RNF43: variants seen among roughly 807,000 people sequenced by gnomAD.
RNF43 encodes the protein ring finger protein 43, also known as E3 ubiquitin-protein ligase RNF43.
Under a neutral mutation model 78.4 loss-of-function variants are expected in RNF43, and 37 were observed. The observed-to-expected ratio is 0.47, with a 90% CI of 0.36 to 0.62. RNF43 has a LOEUF of 0.62. Among genes scored for constraint, RNF43 ranks in the 20% least tolerant of loss-of-function variants. The pLI is 0.00. For synonymous variants in RNF43, 347 were observed against 395.0 expected (o/e 0.88, Z 1.44); for missense variants, 774 against 1,007.9 (o/e 0.77, Z 3.14).
chr17:58,410,103 T>C (rs987442499), intron 2 of RNF43, among the ~76,000 whole-genome samples: 1 of 149,586 alleles, frequency 6.7e-6, no homozygotes, highest in Non-Finnish European at 1.5e-5. Context: ...CATTACCTCC[T>C]ATTAACCAGA....
chr17:58,361,038 A>G, intron 6 of RNF43, 94 bp from the exon 7 acceptor site: 1 of 1,283,270 alleles, frequency 7.8e-7, no homozygotes, highest in Non-Finnish European at 1.0e-6. Context: ...TCACTCAGGT[A>G]GATCACATGG....
At chr17:58,377,208 G>C (rs193160716) in intron 2 of RNF43, among the ~76,000 whole-genome samples, 85 of 152,308 alleles carry the variant, frequency 5.6e-4, no homozygotes, top group Admixed American at 3.3e-3. Flanking sequence ...GTAGACAGGA[G>C]ATAATGGATA....
At chr17:58,383,536 C>T (rs954204679) in intron 2 of RNF43, among the ~76,000 whole-genome samples, 1 of 152,024 alleles carries the variant, frequency 6.6e-6, no homozygotes, top group African/African-American at 2.4e-5. Flanking sequence ...ATCCTGGCCT[C>T]AAGCAATCCT....
chr17:58,387,660 CA>C lies in RNF43; in HGVS notation c.253-16628del, dbSNP rs199748044. Among the ~76,000 whole-genome samples the C allele has an allele frequency of 7.8e-5, 11 of 141,180 alleles. No homozygotes were observed. In the East Asian group the frequency reaches 8.1e-4, roughly 10 times the overall value. 92.6% of individuals were successfully genotyped at this position (141,180 alleles called of 152,430 possible). ...GGGCGACAGAGAGAGACTCCATCTT[CA>C]AAAAAAAAACAAAAAAACAAAGTGC... On this transcript the variant is annotated intron_variant, in intron 2 of 9. Transcript: ENST00000407977.
At chr17:58,401,883 C>T (rs1212828740) in intron 2 of RNF43, among the ~76,000 whole-genome samples, 2 of 151,744 alleles carry the variant, frequency 1.3e-5, no homozygotes, top group Non-Finnish European at 2.9e-5. Context: ...GACAAGTTAG[C>T]ACTGCTGAGT....
At position 58,358,430 on chromosome 17, in the gene RNF43, C is replaced by G; in HGVS notation, c.1346G>C (p.Ser449Thr). ...RPPDSSGSGE[S>T]YCTERSGYLA... Reference sequence around the variant, plus strand: ...GTACCCACTGCGTTCTGTGCAATAGCTTTCTCCAGATCCACTGCTGTCAGG... The same window carrying G: ...GTACCCACTGCGTTCTGTGCAATAGGTTTCTCCAGATCCACTGCTGTCAGG... The change falls in exon 9 of 10, where the codon AGC becomes ACC. Residue 449 changes from serine to threonine, a missense_variant. Transcript: ENST00000407977. The surrounding 1 kb of genome is among the most constrained non-coding windows in gnomAD (Gnocchi z 6.2). 8 of 1,614,064 alleles carry G rather than the reference C, an allele frequency of 5.0e-6. No homozygotes were observed. The highest frequency in any genetic ancestry group is 6.8e-6 in the Non-Finnish European group (8 of 1,179,980).
chr17:58,413,663 A>G (rs920958812), intron 2 of RNF43, among the ~76,000 whole-genome samples: 3 of 152,238 alleles, frequency 2.0e-5, no homozygotes, highest in Non-Finnish European at 2.9e-5. Context: ...AGACATGATA[A>G]AGATTGATAA....
chr17:58,406,025 A>G (rs1246303163), intron 2 of RNF43, among the ~76,000 whole-genome samples: 1 of 152,194 alleles, frequency 6.6e-6, no homozygotes, highest in Non-Finnish European at 1.5e-5. Flanking sequence ...TAAAGAGGTG[A>G]TATTGCTCTG....
intron 8 of RNF43, among the ~76,000 whole-genome samples, chr17:58,359,896 A>C (rs1598129670): frequency 6.6e-6 from 1 of 152,164 alleles, no homozygotes; most frequent in African/African-American, 2.4e-5. Flanking sequence ...ATTGCACTCC[A>C]GCCTGGGCAA....
At chr17:58,370,406 A>G (rs1206013598) in intron 3 of RNF43, among the ~76,000 whole-genome samples, 1 of 152,232 alleles carries the variant, frequency 6.6e-6, no homozygotes, top group Non-Finnish European at 1.5e-5. Flanking sequence ...TAATTTTTAA[A>G]TGTGGCAATT....
intron 3 of RNF43, among the ~76,000 whole-genome samples, chr17:58,370,326 C>A (rs1444583459): frequency 6.6e-6 from 1 of 152,106 alleles, no homozygotes; most frequent in Non-Finnish European, 1.5e-5. Context: ...CCTCGGCCTC[C>A]CAAAGTGCTG....
At chr17:58,368,625 A>G (rs1244111424) in intron 3 of RNF43, among the ~76,000 whole-genome samples, 2 of 151,428 alleles carry the variant, frequency 1.3e-5, no homozygotes, top group African/African-American at 4.9e-5. Context: ...AGGCAGGAGA[A>G]TCACTTGAAC....
intron 3 of RNF43, among the ~76,000 whole-genome samples, chr17:58,369,617 G>T (rs1973038026): frequency 6.6e-6 from 1 of 152,192 alleles, no homozygotes; most frequent in Admixed American, 6.5e-5. Context: ...CAGCTAGAAG[G>T]GAGGCCACAG....
chr17:58,409,695 G>A (rs970957547), intron 2 of RNF43, among the ~76,000 whole-genome samples: 5 of 152,022 alleles, frequency 3.3e-5, no homozygotes, highest in African/African-American at 1.2e-4. Context: ...TAATACTGCA[G>A]ACAGCAGGGC....
chr17:58,391,344 G>A (rs758602278), intron 2 of RNF43, among the ~76,000 whole-genome samples: 4 of 152,118 alleles, frequency 2.6e-5, no homozygotes, highest in Admixed American at 6.5e-5. Flanking sequence ...ATTCCACACC[G>A]CCCAACACAT....
chr17:58,398,097 A>C (rs772369548), intron 2 of RNF43, among the ~76,000 whole-genome samples: 40 of 152,166 alleles, frequency 2.6e-4, no homozygotes, highest in Non-Finnish European at 4.9e-4. Context: ...GGCTCAAATA[A>C]GCTCTCCACT....
chr17:58,364,832 G>A (rs1019099395), intron 3 of RNF43, among the ~76,000 whole-genome samples: 1 of 152,206 alleles, frequency 6.6e-6, no homozygotes, highest in East Asian at 1.9e-4. Flanking sequence ...GTCTTCCCAG[G>A]GAGAGCCTGT....
chr17:58,356,135 C>T (rs765506951), intron 9 of RNF43, among the ~76,000 whole-genome samples: 2 of 152,194 alleles, frequency 1.3e-5, no homozygotes, highest in Non-Finnish European at 2.9e-5. Flanking sequence ...ATGGCTCTCT[C>T]CCCATGGACC....
chr17:58,401,567 C>G (rs1159667105), intron 2 of RNF43, among the ~76,000 whole-genome samples: 1 of 152,096 alleles, frequency 6.6e-6, no homozygotes, highest in African/African-American at 2.4e-5. Flanking sequence ...CTTTAGAAAA[C>G]AAAACAATAA....
Sources: gnomAD v4.1 joint callset for allele counts (sites outside exome capture counted in the v4.1 genomes callset) on GRCh38, gnomAD v4.1.1 for gene constraint, Gnocchi (gnomAD v3.1) non-coding constraint, MANE v1.5 for transcripts, NCBI Gene and HGNC (gene_info 2026-07-23, HGNC 2026-07-21) for gene names.